The following CMKLR2 variants were observed in gnomAD, a reference collection of about 807,000 sequenced individuals.
The protein encoded by CMKLR2 is chemerin-like receptor 2.
A neutral mutation model predicts 23.0 loss-of-function variants in CMKLR2; 18 were observed. That is an observed-to-expected ratio of 0.78 (90% CI 0.54 to 1.16). The LOEUF (loss-of-function observed/expected upper bound fraction) is 1.16. Among genes scored for constraint, CMKLR2 ranks in the 50% most tolerant of loss-of-function variants. The pLI, the probability that CMKLR2 is intolerant of heterozygous loss-of-function variation, is 0.00. For synonymous variants in CMKLR2, 158 were observed against 158.9 expected (o/e 0.99, Z 0.05); for missense variants, 401 against 412.7 (o/e 0.97, Z 0.25).
intron 1 of CMKLR2, among the ~76,000 whole-genome samples, chr2:206,178,376 AT>A (rs1357117827): frequency 1.3e-5 from 2 of 152,110 alleles, no homozygotes; most frequent in Non-Finnish European, 2.9e-5. Context: ...GTCACTGGAG[AT>A]TTTGACCTGA....
Position 206,177,210 on chromosome 2 carries a change from T to C in CMKLR2, c.38A>G (p.Glu13Gly), listed in dbSNP as rs1432816269. Residue 13 changes from glutamate (E) to glycine (G), a missense_variant, in exon 2 of 2, where the codon GAA becomes GGA. Coordinates refer to ENST00000621141, the MANE Select transcript of CMKLR2 (RefSeq NM_001389445.1). ...DLEETLFEEFENYSYDLDYYS... is the reference protein window; with the variant it reads ...DLEETLFEEFGNYSYDLDYYS... ...ATAGTCTAGGTCATAGGAATAGTTT[T>C]CAAATTCTTCAAATAATGTTTCCTC... 1 of 1,607,040 alleles carries C rather than the reference T, an allele frequency of 6.2e-7. No homozygotes were observed. Among genetic ancestry groups the C allele is most frequent in the East Asian group, 2.2e-5 (1 of 44,808 alleles).
rs764766251 is a variant in CMKLR2 at position 206,177,139 on chromosome 2, C to G, written c.109G>C (p.Val37Leu). The G allele has an allele frequency of 9.3e-6, 15 of 1,613,984 alleles. No homozygotes were observed. In the Middle Eastern group the frequency reaches 8.2e-4, roughly 89 times the overall value. Reference sequence around the variant, plus strand: ...TATAACACCAGGGAGACCCAGTGAACAACTCCCAGCTGGACTTTCTCCTCC... The same window carrying G: ...TATAACACCAGGGAGACCCAGTGAAGAACTCCCAGCTGGACTTTCTCCTCC... ...DLEEKVQLGV[V>L]HWVSLVLYCL... The change falls in exon 2 of 2, where the codon GTT (valine) becomes CTT (leucine). Residue 37 changes from valine to leucine, a missense_variant. By Grantham distance (32) the Val-to-Leu change is conservative. Transcript: ENST00000621141.
intron 1 of CMKLR2, among the ~76,000 whole-genome samples, chr2:206,184,003 G>T (rs1688495461): frequency 6.6e-6 from 1 of 152,192 alleles, no homozygotes; most frequent in South Asian, 2.1e-4. Context: ...TTGTCTCACA[G>T]TCTGGAGACT....
upstream of CMKLR2, among the ~76,000 whole-genome samples, chr2:206,217,128 A>C (rs1401752602): frequency 6.6e-6 from 1 of 152,186 alleles, no homozygotes. Context: ...AAGCATTGGA[A>C]GAGAGATATA....
intron 1 of CMKLR2, among the ~76,000 whole-genome samples, chr2:206,209,284 GC>G (rs1358403470): frequency 6.6e-6 from 1 of 151,824 alleles, no homozygotes; most frequent in Non-Finnish European, 1.5e-5. Flanking sequence ...GTTGCAGTGA[GC>G]TGAGATCGCA....
chr2:206,182,025 A>G (rs1688431857), intron 1 of CMKLR2, among the ~76,000 whole-genome samples: 1 of 151,384 alleles, frequency 6.6e-6, no homozygotes, highest in South Asian at 2.1e-4. Flanking sequence ...GTGGAAGTGG[A>G]CCATCATAAA....
intron 1 of CMKLR2, among the ~76,000 whole-genome samples, chr2:206,210,997 T>C (rs1689540942): frequency 1.3e-5 from 2 of 152,214 alleles, no homozygotes; most frequent in African/African-American, 4.8e-5. Context: ...TTATTTTTCA[T>C]GCCTAGGGAC....
chr2:206,188,663 A>T (rs766989265), intron 1 of CMKLR2, among the ~76,000 whole-genome samples: 1 of 152,220 alleles, frequency 6.6e-6, no homozygotes, highest in Non-Finnish European at 1.5e-5. Context: ...AAGTGAAGGG[A>T]CATATTTACT....
At chr2:206,178,661 G>T (rs1464642288) in intron 1 of CMKLR2, among the ~76,000 whole-genome samples, 2 of 151,592 alleles carry the variant, frequency 1.3e-5, no homozygotes, top group African/African-American at 4.9e-5. Flanking sequence ...TTGTTTGTTT[G>T]TTTGTTTTTT....
intron 1 of CMKLR2, among the ~76,000 whole-genome samples, chr2:206,190,289 C>A (rs1688709224): frequency 6.6e-6 from 1 of 152,134 alleles, no homozygotes. Context: ...ATGACAAAGG[C>A]CTTTGAATGT....
At chr2:206,193,085 T>C (rs1275439005) in intron 1 of CMKLR2, among the ~76,000 whole-genome samples, 35 of 152,232 alleles carry the variant, frequency 2.3e-4, no homozygotes, top group Non-Finnish European at 1.5e-5. Context: ...GAAACTCAGA[T>C]ATGGAGGGCC....
intron 1 of CMKLR2, among the ~76,000 whole-genome samples, chr2:206,183,540 G>T (rs1200416169): frequency 2.0e-5 from 3 of 152,150 alleles, no homozygotes; most frequent in African/African-American, 7.2e-5. Flanking sequence ...CACCAGAGAG[G>T]TTCCTAATCT....
Position 206,176,404 on chromosome 2 carries a change from T to C in CMKLR2, c.844A>G (p.Met282Val). The C allele has an allele frequency of 1.2e-6, 2 of 1,614,168 alleles. No homozygotes were observed. The highest frequency in any genetic ancestry group is 1.7e-6 in the Non-Finnish European group (2 of 1,180,030). ...IHHNSYSHHV[M>V]QAGIPLSTGL... ...GTGGAGAGGGGGATTCCAGCCTGCA[T>C]CACATGGTGGGAATAGCTATTGTGG... Residue 282 changes from methionine to valine, a missense_variant, in exon 2 of 2, where the codon ATG becomes GTG. Physicochemically the swap from Met to Val is conservative, Grantham distance 21 (BLOSUM62 1). Coordinates refer to ENST00000621141, the MANE Select transcript of CMKLR2 (RefSeq NM_001389445.1).
At chr2:206,206,635 C>T (rs1358655672) in intron 1 of CMKLR2, among the ~76,000 whole-genome samples, 3 of 152,332 alleles carry the variant, frequency 2.0e-5, no homozygotes, top group Non-Finnish European at 2.9e-5. Context: ...ACTGTTACTA[C>T]ATATGTGGAG....
At chr2:206,211,778 GA>G (rs142709157) in intron 1 of CMKLR2, among the ~76,000 whole-genome samples, 1,847 of 114,840 alleles carry the variant, frequency 0.016, 60 homozygotes, top group African/African-American at 0.057. Context: ...AAAAGAAAAA[GA>G]AAAAAAGATG....
chr2:206,181,020 G>T (rs946700676), intron 1 of CMKLR2, among the ~76,000 whole-genome samples: 5 of 151,544 alleles, frequency 3.3e-5, no homozygotes, highest in Non-Finnish European at 7.4e-5. Context: ...CTCCCAAAGT[G>T]TTGTATTGGG....
intron 1 of CMKLR2, among the ~76,000 whole-genome samples, chr2:206,204,111 G>A (rs1400485505): frequency 2.6e-5 from 4 of 152,094 alleles, no homozygotes; most frequent in Admixed American, 2.0e-4. Context: ...CCAGCACTTT[G>A]GGAGTCCGAG....
intron 1 of CMKLR2, among the ~76,000 whole-genome samples, chr2:206,205,006 T>A (rs1689259996): frequency 6.6e-6 from 1 of 152,260 alleles, no homozygotes; most frequent in Non-Finnish European, 1.5e-5. Flanking sequence ...CTCACTGACC[T>A]GCTGTAATCC....
rs762116390 is a variant in CMKLR2 at position 206,177,113 on chromosome 2, A to G, written c.135T>C (p.Tyr45=). Residue 45 remains tyrosine (Y), a synonymous_variant, in exon 2 of 2, where the codon TAT becomes TAC. Transcript: ENST00000621141. Reference sequence around the variant, plus strand: ...GAATTCCCAGAACAAAAGCCAAACAATATAACACCAGGGAGACCCAGTGAA... The same window carrying G: ...GAATTCCCAGAACAAAAGCCAAACAGTATAACACCAGGGAGACCCAGTGAA... The part of the protein sequence containing the change: ...GVVHWVSLVL[Y]CLAFVLGIPG... 5.0e-6 allele frequency: 8 copies of G among 1,614,210 alleles called. No homozygotes were observed. In the East Asian group the frequency reaches 1.8e-4, roughly 36 times the overall value.
Sources: gnomAD v4.1 joint callset for allele counts (sites outside exome capture counted in the v4.1 genomes callset) on GRCh38, gnomAD v4.1.1 for gene constraint, MANE v1.5 for transcripts, NCBI Gene and HGNC (gene_info 2026-07-23, HGNC 2026-07-21) for gene names.